Variants in VAV2 observed in about 807,000 individuals in gnomAD.
The protein encoded by VAV2 is guanine nucleotide exchange factor VAV2.
In VAV2, 67 loss-of-function variants were observed where a neutral mutation model predicts 132.5. The ratio of observed to expected loss-of-function variants is 0.51; its 90% CI spans 0.42 to 0.62. The LOEUF (loss-of-function observed/expected upper bound fraction) is 0.62, where lower values mean the gene tolerates loss of function less well. Ranked by LOEUF, VAV2 falls within the 20% of genes least tolerant of loss-of-function variation. The pLI is 0.00. For missense variants in VAV2, 938 were observed against 1,153.6 expected (o/e 0.81, Z 2.71); for synonymous variants, 492 against 443.5 (o/e 1.11, Z -1.37).
intron 23 of VAV2, 52 bp from the exon 24 acceptor site, chr9:133,776,132 C>A (rs752184176): frequency 6.2e-7 from 1 of 1,602,610 alleles, no homozygotes; most frequent in Non-Finnish European, 8.5e-7. Context: ...ACTCACAGAG[C>A]AGGGCTCAGA....
At chr9:133,778,189 TC>T (rs1300998750) in intron 22 of VAV2, among the ~76,000 whole-genome samples, 5 of 81,240 alleles carry the variant, frequency 6.2e-5, no homozygotes, top group African/African-American at 4.9e-4. Flanking sequence ...CCCACAAAGG[TC>T]CCCGGGATGA....
intron 3 of VAV2, among the ~76,000 whole-genome samples, chr9:133,856,067 G>A (rs911499167): frequency 6.6e-6 from 1 of 152,184 alleles, no homozygotes; most frequent in Non-Finnish European, 1.5e-5. Flanking sequence ...GGCACGCACC[G>A]TATGATTCCA....
intron 12 of VAV2, among the ~76,000 whole-genome samples, chr9:133,792,678 ACCCCCCCCCCCACC>A (rs919388495): frequency 8.4e-6 from 1 of 118,660 alleles, no homozygotes; most frequent in East Asian, 2.7e-4. Context: ...CCCCCAAGGG[ACCCCCCCCCCCACC>A]CCCCACCCAG....
intron 19 of VAV2, among the ~76,000 whole-genome samples, chr9:133,781,708 G>A (rs1158222383): frequency 6.6e-6 from 1 of 152,202 alleles, no homozygotes. Flanking sequence ...CTGGATCAGA[G>A]GGAAGGCAGC....
chr9:133,927,013 G>A (rs1032324948), intron 2 of VAV2, among the ~76,000 whole-genome samples: 3 of 152,146 alleles, frequency 2.0e-5, no homozygotes, highest in Non-Finnish European at 2.9e-5. Flanking sequence ...ACAGACACCC[G>A]CAGCACTTCT....
At chr9:133,785,702 A>C in intron 17 of VAV2, 74 bp downstream of exon 17, 1 of 1,439,228 alleles carries the variant, frequency 6.9e-7, no homozygotes, top group Non-Finnish European at 9.7e-7. Flanking sequence ...AACCACAGAC[A>C]CAATCCACCT....
chr9:133,792,147 GT>G (rs1834502152), intron 12 of VAV2, among the ~76,000 whole-genome samples: 1 of 145,248 alleles, frequency 6.9e-6, no homozygotes. Context: ...GCTGGGTGGG[GT>G]GTGTGTGACT....
chr9:133,917,940 A>T (rs956110083), intron 2 of VAV2, among the ~76,000 whole-genome samples: 6 of 40,074 alleles, frequency 1.5e-4, no homozygotes, highest in African/African-American at 5.2e-4. Flanking sequence ...CTGAATCCCC[A>T]GCCCCCTAAG....
chr9:133,894,671 G>A lies in VAV2; in HGVS notation c.322-33239C>T, dbSNP rs551274327. Among the ~76,000 whole-genome samples, 3 of 152,262 alleles carry A rather than the reference G, an allele frequency of 2.0e-5. No homozygotes were observed. The South Asian group carries it at 6.2e-4, about 32-fold the overall frequency. On this transcript the variant is annotated intron_variant, in intron 2 of 29. Transcript: ENST00000371850. ...TCAGGCAGATCCTTAACCCCAAGGG[G>A]ACCACAAACCCCTCCAGGAATCTAA...
chr9:133,852,080 CTGA>C (rs1207735271), intron 3 of VAV2, among the ~76,000 whole-genome samples: 1 of 151,540 alleles, frequency 6.6e-6, no homozygotes, highest in Non-Finnish European at 1.5e-5. Flanking sequence ...GACAGACGGG[CTGA>C]TGAGTGGACA....
In VAV2 at chr9:133,831,560, G is replaced by A. The variant is rs550945134; in HGVS notation, c.449+2712C>T. 9.4e-4 allele frequency among the ~76,000 whole-genome samples: 143 copies of A among 152,268 alleles called. 1 individual carries two copies. The highest frequency in any genetic ancestry group is 3.4e-3 in the African/African-American group (140 of 41,532). On this transcript the variant is annotated intron_variant, in intron 4 of 29. Coordinates refer to ENST00000371850, the MANE Select transcript of VAV2 (RefSeq NM_001134398.2). ...CCAGCAGGGGCAGGCCTGGCCATGT[G>A]GGGGCTGTAGTTCAGGAAGTGTCCT...
intron 1 of VAV2, among the ~76,000 whole-genome samples, chr9:133,983,056 G>A (rs1269794582): frequency 6.6e-6 from 1 of 152,212 alleles, no homozygotes; most frequent in Non-Finnish European, 1.5e-5. Context: ...TGGGACACCG[G>A]CAGAGAAGGA....
At chr9:133,925,575 A>G (rs1305719079) in intron 2 of VAV2, among the ~76,000 whole-genome samples, 5 of 152,126 alleles carry the variant, frequency 3.3e-5, no homozygotes, top group Non-Finnish European at 7.3e-5. Context: ...TCCAGCCCCA[A>G]AGTCCCCAGG....
chr9:133,843,349 A>G lies in VAV2; in HGVS notation c.381-9009T>C, dbSNP rs866942826. ...AAGAGTAAAGTCTAATTTTGAGTTC[A>G]GAGCTCTGACTTTGTTTGGGTTTTT... is the stretch of plus-strand genomic sequence containing the variant. On this transcript the variant is annotated intron_variant, in intron 3 of 29. Coordinates refer to ENST00000371850, the MANE Select transcript of VAV2 (RefSeq NM_001134398.2). Among the ~76,000 whole-genome samples the G allele has an allele frequency of 8.5e-5, 13 of 152,318 alleles. 1 individual carries two copies. The highest frequency in any genetic ancestry group is 6.8e-3 in the Middle Eastern group (2 of 294).
At chr9:133,921,585 G>T (rs1453964823) in intron 2 of VAV2, among the ~76,000 whole-genome samples, 1 of 152,234 alleles carries the variant, frequency 6.6e-6, no homozygotes, top group Non-Finnish European at 1.5e-5. Context: ...GCTGGGGAAA[G>T]AAACTCTAAT....
At chr9:133,964,554 T>C (rs763580718) in intron 1 of VAV2, among the ~76,000 whole-genome samples, 1 of 152,096 alleles carries the variant, frequency 6.6e-6, no homozygotes, top group Non-Finnish European at 1.5e-5. Context: ...CTAACGAACA[T>C]AGATGCAAAA....
chr9:133,951,388 T>A (rs1324665403), intron 1 of VAV2, among the ~76,000 whole-genome samples: 1 of 152,176 alleles, frequency 6.6e-6, no homozygotes, highest in African/African-American at 2.4e-5. Context: ...AAAGTGTCCC[T>A]CATGCCCGCC....
rs374034671 is a variant in VAV2 at position 133,807,279 on chromosome 9, T to C, written c.714A>G (p.Ala238=). Residue 238 remains alanine, a synonymous_variant, in exon 8 of 30, where the codon GCA becomes GCG. Coordinates refer to ENST00000371850, the MANE Select transcript of VAV2 (RefSeq NM_001134398.2). ...TTACCTCCAGGTTAATGAAGACAGC[T>C]GCCATGTCCGCCGGGCTCAGCACCA... The part of the protein sequence containing the change: ...LRLVLSPADM[A]AVFINLEDLI... The C allele has an allele frequency of 1.7e-5, 27 of 1,610,940 alleles. No individual in the cohort carries two copies. The African/African-American group carries it at 3.3e-4, about 20-fold the overall frequency.
chr9:133,784,231 A>G (rs1834128304), intron 18 of VAV2, 86 bp downstream of exon 18: 1 of 1,430,226 alleles, frequency 7.0e-7, no homozygotes, highest in South Asian at 1.1e-5. Flanking sequence ...CACAGGGAAC[A>G]TGGGACAGAT....
Sources: allele counts gnomAD v4.1 joint callset (sites outside exome capture counted in the v4.1 genomes callset), GRCh38; gene constraint gnomAD v4.1.1; transcripts MANE v1.5; gene names NCBI Gene and HGNC (gene_info 2026-07-23, HGNC 2026-07-21).